Variants in LIX1 observed in about 807,000 individuals in gnomAD.
LIX1 encodes protein limb expression 1 homolog.
Under a neutral mutation model 33.4 loss-of-function variants are expected in LIX1, and 24 were observed. The observed-to-expected ratio is 0.72, with a 90% confidence interval of 0.52 to 1.01. The LOEUF (loss-of-function observed/expected upper bound fraction) is 1.01. Ranked by LOEUF, LIX1 falls within the 50% of genes least tolerant of loss-of-function variation. LIX1 has a pLI of 0.00. For synonymous variants in LIX1, 124 were observed against 124.0 expected, an observed-to-expected ratio of 1.00 and a Z score of 0.00; for missense variants, 311 against 339.2, an observed-to-expected ratio of 0.92 and a Z score of 0.65.
At chr5:97,103,793 G>A (rs1010085662) in intron 4 of LIX1, among the ~76,000 whole-genome samples, 23 of 151,820 alleles carry the variant, frequency 1.5e-4, no homozygotes, top group African/African-American at 4.4e-4. Context: ...GTGAAATCCC[G>A]TCTCTACTAA....
chr5:97,112,802 A>T (rs1459486310), intron 2 of LIX1, among the ~76,000 whole-genome samples: 1 of 71,194 alleles, frequency 1.4e-5, no homozygotes, highest in East Asian at 4.1e-4. Context: ...TTAAAGTAAA[A>T]AAAAAAAAAA....
intron 2 of LIX1, among the ~76,000 whole-genome samples, chr5:97,108,695 G>C (rs1747203929): frequency 6.6e-6 from 1 of 152,056 alleles, no homozygotes; most frequent in Admixed American, 6.6e-5. Context: ...CCTGGGTCCT[G>C]GTCAGTGGGG....
intron 1 of LIX1, among the ~76,000 whole-genome samples, chr5:97,130,853 C>A (rs1267358162): frequency 1.3e-5 from 2 of 152,156 alleles, no homozygotes; most frequent in African/African-American, 2.4e-5. Context: ...ATTCTACTAC[C>A]CCTAATTGCT....
chr5:97,096,925 G>A (rs762675100), intron 4 of LIX1, 38 bp from the exon 5 acceptor site: 1 of 1,473,966 alleles, frequency 6.8e-7, no homozygotes, highest in Non-Finnish European at 9.5e-7. Context: ...TCCCAAAGCA[G>A]AAATGTGCAT....
intron 4 of LIX1, among the ~76,000 whole-genome samples, chr5:97,101,269 C>T (rs374486399): frequency 6.6e-6 from 1 of 152,094 alleles, no homozygotes; most frequent in Non-Finnish European, 1.5e-5. Flanking sequence ...TTTTAAGCAT[C>T]CCTTTCAATT....
Position 97,095,020 on chromosome 5 carries a change from A to G in LIX1, c.577T>C (p.Tyr193His). ...KCSRQEVISY[Y>H]SQYSLDEKMR... ...TTTTCATCTAGAGAATACTGAGAAT[A>G]GTAGGAGATGACTTCCTGGGGGCCA... Residue 193 changes from tyrosine (Y) to histidine (H), a missense_variant, in exon 6 of 6, where the codon TAT becomes CAT. By Grantham distance (83) the Tyr-to-His change is moderately conservative (BLOSUM62 2). Coordinates refer to ENST00000274382, the MANE Select transcript of LIX1 (RefSeq NM_153234.5). 6.2e-7 allele frequency: 1 copy of G among 1,613,444 alleles called. No homozygotes were observed. Among genetic ancestry groups the G allele is most frequent in the Non-Finnish European group, 8.5e-7 (1 of 1,179,534 alleles).
chr5:97,130,179 C>A (rs1469612562), intron 1 of LIX1, among the ~76,000 whole-genome samples: 1 of 152,158 alleles, frequency 6.6e-6, no homozygotes, highest in Non-Finnish European at 1.5e-5. Context: ...AAGGAGGGAC[C>A]TCAAGAGAAA....
chr5:97,110,309 C>A (rs964591766), intron 2 of LIX1, among the ~76,000 whole-genome samples: 1 of 152,110 alleles, frequency 6.6e-6, no homozygotes, highest in East Asian at 1.9e-4. Context: ...AAAACAAACA[C>A]AAATTAAAAA....
At chr5:97,138,612 A>G (rs1221630761) in intron 1 of LIX1, among the ~76,000 whole-genome samples, 1 of 152,138 alleles carries the variant, frequency 6.6e-6, no homozygotes, top group Non-Finnish European at 1.5e-5. Context: ...CCCCCAGCAC[A>G]TGGTTCTTGT....
At chr5:97,097,201 G>C (rs908836492) in intron 4 of LIX1, among the ~76,000 whole-genome samples, 1 of 152,128 alleles carries the variant, frequency 6.6e-6, no homozygotes. Flanking sequence ...AATATACCAG[G>C]ATATCTGAGA....
intron 2 of LIX1, among the ~76,000 whole-genome samples, chr5:97,110,699 C>T (rs1747341525): frequency 1.3e-5 from 2 of 152,196 alleles, no homozygotes; most frequent in Admixed American, 1.3e-4. Context: ...CCGCCTTGGC[C>T]TCCCAAAGTG....
At chr5:97,115,689 G>C (rs1747616161) in intron 2 of LIX1, among the ~76,000 whole-genome samples, 1 of 151,666 alleles carries the variant, frequency 6.6e-6, no homozygotes. Context: ...CACATTTTAG[G>C]CACCTTTTCA....
chr5:97,127,449 C>T (rs1747956340), intron 1 of LIX1, among the ~76,000 whole-genome samples: 1 of 152,132 alleles, frequency 6.6e-6, no homozygotes, highest in African/African-American at 2.4e-5. Flanking sequence ...TGTCATCACC[C>T]ACCAAGAGTG....
chr5:97,133,125 G>A (rs1482174423), intron 1 of LIX1, among the ~76,000 whole-genome samples: 2 of 152,144 alleles, frequency 1.3e-5, no homozygotes, highest in Non-Finnish European at 2.9e-5. Context: ...TGGATTACAG[G>A]GTTTGTTATA....
intron 1 of LIX1, among the ~76,000 whole-genome samples, chr5:97,129,031 G>C (rs779274366): frequency 6.6e-6 from 1 of 152,080 alleles, no homozygotes; most frequent in Non-Finnish European, 1.5e-5. Flanking sequence ...CCTTGGCAAG[G>C]CATAGAAGAC....
Position 97,122,059 on chromosome 5 carries a change from C to T in LIX1, c.246+2407G>A, listed in dbSNP as rs114396334. Reference sequence around the variant, plus strand: ...TCCGTGTCTTTGGTGTCCACGGTTACATCAAGCTCTGTTCTGAGGCTTCTA... The same window carrying T: ...TCCGTGTCTTTGGTGTCCACGGTTATATCAAGCTCTGTTCTGAGGCTTCTA... On this transcript the variant is annotated intron_variant, in intron 2 of 5. Transcript: ENST00000274382. 2.2e-3 allele frequency among the ~76,000 whole-genome samples: 330 copies of T among 152,308 alleles called. 1 individual carries two copies. Among genetic ancestry groups the T allele is most frequent in the African/African-American group, 7.7e-3 (319 of 41,562 alleles).
rs1486030336 is a variant in LIX1 at position 97,094,506 on chromosome 5, T to C, written c.*242A>G. ...GGAAAATGTTTTTCAAACAATTTTG[T>C]GTCTATCCTTTCATCCTGAGCTGGA... is the stretch of plus-strand genomic sequence containing the variant. On this transcript the variant is annotated 3_prime_UTR_variant, in exon 6 of 6. Coordinates refer to ENST00000274382, the MANE Select transcript of LIX1 (RefSeq NM_153234.5). 4.1e-6 allele frequency: 2 copies of C among 489,466 alleles called. No homozygotes were observed. The highest frequency in any genetic ancestry group is 3.6e-6 in the Non-Finnish European group (1 of 277,608). The allele number at this position is 489,466 out of a possible 1,614,324, so 30.3% of individuals were successfully genotyped here.
rs925733940 is a variant in LIX1, at chr5:97,105,248, A to T, written c.425T>A (p.Val142Asp). Residue 142 changes from valine to aspartate, a missense_variant, in exon 4 of 6, where the codon GTT becomes GAT. Coordinates refer to ENST00000274382, the MANE Select transcript of LIX1 (RefSeq NM_153234.5). ...LDDADDPSTS[V>D]GAYHYMLESN... Reference sequence around the variant, plus strand: ...CTCCAGCATGTAGTGATAGGCCCCAACACTGGTGCTGGGGTCATCTGCATC... The same window carrying T: ...CTCCAGCATGTAGTGATAGGCCCCATCACTGGTGCTGGGGTCATCTGCATC... The T allele has an allele frequency of 7.4e-6, 12 of 1,613,974 alleles. No individual in the cohort carries two copies. Among genetic ancestry groups the T allele is most frequent in the Non-Finnish European group, 1.0e-5 (12 of 1,179,962 alleles).
intron 4 of LIX1, among the ~76,000 whole-genome samples, chr5:97,103,687 C>T (rs947434259): frequency 1.3e-5 from 2 of 152,160 alleles, no homozygotes; most frequent in African/African-American, 2.4e-5. Context: ...TGACTAAGGC[C>T]GGGCACGGTG....
Sources: gnomAD v4.1 joint callset for allele counts (sites outside exome capture counted in the v4.1 genomes callset) on GRCh38, gnomAD v4.1.1 for gene constraint, MANE v1.5 for transcripts, NCBI Gene and HGNC (gene_info 2026-07-23, HGNC 2026-07-21) for gene names.